The following FIP1L1 variants were observed in gnomAD, a reference collection of about 807,000 sequenced individuals.
The protein encoded by FIP1L1 is factor interacting with PAPOLA and CPSF1.
FIP1L1 carries 21 observed loss-of-function variants against 84.6 expected under a neutral mutation model. The ratio of observed to expected loss-of-function variants is 0.25; its 90% CI spans 0.18 to 0.36. FIP1L1 has a LOEUF of 0.36. Ranked by LOEUF, FIP1L1 falls within the 10% of genes least tolerant of loss-of-function variation. The probability of loss-of-function intolerance (pLI) is 1.00; values close to 1 mark genes in which losing one functional copy is unlikely to be tolerated. For synonymous variants in FIP1L1, 263 were observed against 242.3 expected, an observed-to-expected ratio of 1.09 and a Z score of -0.80; for missense variants, 526 against 751.1, an observed-to-expected ratio of 0.70 and a Z score of 3.50.
At chr4:53,438,232 AG>A (rs980117833) in intron 13 of FIP1L1, among the ~76,000 whole-genome samples, 2 of 152,174 alleles carry the variant, frequency 1.3e-5, no homozygotes, top group African/African-American at 2.4e-5. Flanking sequence ...TCTGTTGTCT[AG>A]GTTAGGCAGC....
chr4:53,456,761 G>A (rs948040994), intron 16 of FIP1L1, among the ~76,000 whole-genome samples: 1 of 152,100 alleles, frequency 6.6e-6, no homozygotes, highest in South Asian at 2.1e-4. Context: ...GGGGATGGAA[G>A]GAGGAGGGTC....
intron 11 of FIP1L1, among the ~76,000 whole-genome samples, chr4:53,416,396 A>T (rs764028440): frequency 2.0e-5 from 3 of 152,230 alleles, no homozygotes; most frequent in Non-Finnish European, 4.4e-5. Context: ...GAATTAAGGA[A>T]AGTTTCCTAA....
chr4:53,409,823 C>T (rs1756147973), intron 10 of FIP1L1, among the ~76,000 whole-genome samples: 1 of 152,206 alleles, frequency 6.6e-6, no homozygotes, highest in South Asian at 2.1e-4. Flanking sequence ...CCTGGTGCGC[C>T]GTTTTTTAAG....
intron 10 of FIP1L1, among the ~76,000 whole-genome samples, chr4:53,410,879 G>A (rs1415830065): frequency 1.3e-5 from 2 of 152,068 alleles, no homozygotes; most frequent in African/African-American, 4.8e-5. Flanking sequence ...TACATATTGG[G>A]TTCAGTACCA....
intron 10 of FIP1L1, among the ~76,000 whole-genome samples, chr4:53,408,435 C>T (rs13131875): frequency 0.56 from 84,408 of 151,940 alleles, 25,283 homozygotes; most frequent in Non-Finnish European, 0.67. Context: ...ACATTTTTTC[C>T]TTCATTTCAT....
chr4:53,386,157 C>G (rs1313565169), intron 5 of FIP1L1, among the ~76,000 whole-genome samples: 1 of 151,794 alleles, frequency 6.6e-6, no homozygotes, highest in African/African-American at 2.4e-5. Context: ...AGTTTGTTAC[C>G]TATCTCTGTG....
At chr4:53,390,894 T>C in intron 7 of FIP1L1, 115 bp from the exon 8 acceptor site, 1 of 872,598 alleles carries the variant, frequency 1.1e-6, no homozygotes, top group Non-Finnish European at 1.7e-6. Context: ...CCATAAATGA[T>C]AGAGTGATAA....
At chr4:53,429,354 T>C (rs756667383) in intron 13 of FIP1L1, among the ~76,000 whole-genome samples, 14 of 152,156 alleles carry the variant, frequency 9.2e-5, no homozygotes, top group African/African-American at 1.7e-4. Context: ...TTCCAACAAA[T>C]AGATTGAGCA....
rs1479208563 is a variant in FIP1L1 at position 53,460,314 on chromosome 4, A to ATTT, written c.*868_*870dup. The stretch of plus-strand genomic sequence containing the variant: ...TTTATAATTAATTCTCTGAGCGAGC[A>ATTT]TTTTTAGGGATAAGCCTAGGAGGTA... On this transcript the variant is annotated 3_prime_UTR_variant, in exon 18 of 18. Transcript: ENST00000337488. The ATTT allele has an allele frequency of 5.3e-6, 1 of 189,506 alleles. No individual in the cohort carries two copies. Among genetic ancestry groups the ATTT allele is most frequent in the Non-Finnish European group, 1.1e-5 (1 of 90,324 alleles). The allele number at this position is 189,506 out of a possible 1,614,324, so 11.7% of individuals were successfully genotyped here. A position where few individuals can be genotyped will look rare whatever the true frequency, so the allele number is the denominator to read the frequency against.
intron 13 of FIP1L1, chr4:53,440,582 G>A: frequency 6.6e-7 from 1 of 1,509,044 alleles, no homozygotes. Context: ...TGTTTTTTAG[G>A]TATTCCAATA....
In FIP1L1 at chr4:53,459,410, C is replaced by T. The variant is rs757089817; in HGVS notation, c.1746C>T (p.Ala582=). The change falls in exon 18 of 18, where the codon GCC becomes GCT. Residue 582 remains alanine, a synonymous_variant. Transcript: ENST00000337488. The stretch of plus-strand genomic sequence containing the variant: ...GAAAAGAAGCGGGCAGTGAGCCTGC[C>T]CCTGAACAGGAGAGCACCGAAGCTA... ...KEGKEAGSEP[A]PEQESTEATP... 1 of 1,612,078 alleles carries T rather than the reference C, an allele frequency of 6.2e-7. No individual in the cohort carries two copies. The highest frequency in any genetic ancestry group is 2.2e-5 in the East Asian group (1 of 44,776).
At chr4:53,420,214 A>AC (rs1422424053) in intron 11 of FIP1L1, among the ~76,000 whole-genome samples, 2 of 146,508 alleles carry the variant, frequency 1.4e-5, no homozygotes, top group Non-Finnish European at 3.0e-5. Flanking sequence ...AAAAAAAAAA[A>AC]AAAAAAAAAA....
intron 10 of FIP1L1, among the ~76,000 whole-genome samples, chr4:53,404,998 A>G (rs1451545780): frequency 6.6e-6 from 1 of 151,892 alleles, no homozygotes; most frequent in South Asian, 2.1e-4. Flanking sequence ...GCTGTGCAGA[A>G]GCTCTTTAGT....
At chr4:53,426,742 A>C (rs900170302) in intron 12 of FIP1L1, among the ~76,000 whole-genome samples, 3 of 152,174 alleles carry the variant, frequency 2.0e-5, no homozygotes, top group African/African-American at 7.2e-5. Context: ...AAATATGATT[A>C]AAATATCTTC....
At chr4:53,384,346 T>C (rs923201615) in intron 5 of FIP1L1, among the ~76,000 whole-genome samples, 1 of 151,996 alleles carries the variant, frequency 6.6e-6, no homozygotes, top group Non-Finnish European at 1.5e-5. Context: ...GAGGTGGAGG[T>C]TGCGGTGAAC....
At chr4:53,454,949 T>C (rs1355364922) in intron 16 of FIP1L1, among the ~76,000 whole-genome samples, 1 of 152,218 alleles carries the variant, frequency 6.6e-6, no homozygotes, top group Non-Finnish European at 1.5e-5. Context: ...TCTGGATAGC[T>C]TGGTGTAGCT....
chr4:53,441,837 G>A (rs1772068484), intron 13 of FIP1L1, among the ~76,000 whole-genome samples: 1 of 151,928 alleles, frequency 6.6e-6, no homozygotes, highest in South Asian at 2.1e-4. Flanking sequence ...ATAATTTAGT[G>A]CATTTCCTAG....
chr4:53,451,268 G>T (rs775563528), intron 15 of FIP1L1, among the ~76,000 whole-genome samples: 15 of 150,460 alleles, frequency 1.0e-4, no homozygotes, highest in Non-Finnish European at 1.3e-4. Flanking sequence ...ACCGCGCCCA[G>T]CCTGAAAGCT....
In FIP1L1 at chr4:53,419,852, C is replaced by T. The variant is rs541552676; in HGVS notation, c.923+5130C>T. ...AATCAGCCAGGCGCAATGGCTCACGCCTATAATCCCAGAACTTTGGGAGGC... is the reference window on the plus strand; with the variant it reads ...AATCAGCCAGGCGCAATGGCTCACGTCTATAATCCCAGAACTTTGGGAGGC... On this transcript the variant is annotated intron_variant, in intron 11 of 17. Transcript: ENST00000337488. Among the ~76,000 whole-genome samples, 18 of 152,244 alleles carry T rather than the reference C, an allele frequency of 1.2e-4. No homozygotes were observed. In the South Asian group the frequency reaches 2.9e-3, roughly 25 times the overall value.
Sources: gnomAD v4.1 joint callset for allele counts (sites outside exome capture counted in the v4.1 genomes callset) on GRCh38, gnomAD v4.1.1 for gene constraint, MANE v1.5 for transcripts, NCBI Gene and HGNC (gene_info 2026-07-23, HGNC 2026-07-21) for gene names.